Variants in TRMT9B observed in about 807,000 individuals in gnomAD.
TRMT9B encodes the protein probable tRNA methyltransferase 9B.
TRMT9B carries 16 observed loss-of-function variants against 11.5 expected under a neutral mutation model. The observed-to-expected ratio is 1.39, with a 90% confidence interval of 0.94 to 2.11. The LOEUF (loss-of-function observed/expected upper bound fraction) is 2.11. Among genes scored for constraint, TRMT9B ranks in the 30% most tolerant of loss-of-function variants. The pLI is 0.00. For missense variants in TRMT9B, 941 were observed against 553.8 expected, an observed-to-expected ratio of 1.70 and a Z score of -7.02; for synonymous variants, 274 against 192.4, an observed-to-expected ratio of 1.42 and a Z score of -3.51.
At chr8:12,961,263 G>A (rs1050209280) in intron 1 of TRMT9B, among the ~76,000 whole-genome samples, 6 of 152,130 alleles carry the variant, frequency 3.9e-5, no homozygotes, top group African/African-American at 1.2e-4. Context: ...TACAGCCTAC[G>A]AATGTTAGTT....
intron 3 of TRMT9B, among the ~76,000 whole-genome samples, chr8:13,009,369 A>C (rs1282337059): frequency 6.6e-6 from 1 of 152,234 alleles, no homozygotes; most frequent in African/African-American, 2.4e-5. Context: ...AACAAGTCAC[A>C]AGAAAAATAG....
chr8:12,989,904 G>A lies in TRMT9B; in HGVS notation c.-199-930G>A, dbSNP rs532315113. ...TCATGTGCCTACATATGAGTGAGAT[G>A]TAGCTGGGGTTAAAATCTATAGGCA... On this transcript the variant is annotated intron_variant, in intron 1 of 4. Transcript: ENST00000524591. 2.0e-5 allele frequency among the ~76,000 whole-genome samples: 3 copies of A among 152,352 alleles called. No individual in the cohort carries two copies. In the East Asian group the frequency reaches 5.8e-4, roughly 29 times the overall value.
intron 1 of TRMT9B, among the ~76,000 whole-genome samples, chr8:12,971,976 C>G (rs757589188): frequency 6.6e-6 from 1 of 152,160 alleles, no homozygotes; most frequent in Non-Finnish European, 1.5e-5. Context: ...CCATAAATAA[C>G]TCTAGCCAAA....
intron 2 of TRMT9B, among the ~76,000 whole-genome samples, chr8:12,992,823 C>T (rs1289658272): frequency 2.0e-5 from 3 of 152,038 alleles, no homozygotes; most frequent in African/African-American, 7.3e-5. Context: ...GAGCAGAGAT[C>T]ATGCCACTAC....
At chr8:12,968,704 C>T (rs551580266) in intron 1 of TRMT9B, among the ~76,000 whole-genome samples, 1 of 152,286 alleles carries the variant, frequency 6.6e-6, no homozygotes, top group African/African-American at 2.4e-5. Context: ...CAGAAGGCCC[C>T]TCCCTGAGTC....
intron 1 of TRMT9B, among the ~76,000 whole-genome samples, chr8:12,966,824 G>T (rs1351880757): frequency 6.6e-6 from 1 of 152,202 alleles, no homozygotes; most frequent in Non-Finnish European, 1.5e-5. Context: ...TTGTTGAGGA[G>T]CTGGGTGCAG....
At chr8:12,951,653 T>C (rs1346950368) in intron 1 of TRMT9B, 1 of 151,680 alleles carries the variant, frequency 6.6e-6, no homozygotes, top group Non-Finnish European at 1.5e-5. Context: ...CAGGCCTGGG[T>C]TCCCGGACAG....
chr8:13,020,963 T>A, intron 4 of TRMT9B, 45 bp from the exon 5 acceptor site: 1 of 1,315,486 alleles, frequency 7.6e-7, no homozygotes, highest in Non-Finnish European at 1.0e-6. Context: ...GTGTGTGGGT[T>A]TATGTGTGTG....
chr8:12,957,030 G>C (rs148272258), intron 1 of TRMT9B, among the ~76,000 whole-genome samples: 1 of 152,110 alleles, frequency 6.6e-6, no homozygotes, highest in African/African-American at 2.4e-5. Flanking sequence ...ATTCGTCCAG[G>C]GAGTGGATAA....
Position 12,967,010 on chromosome 8 carries a change from C to A in TRMT9B, c.-200+21044C>A, listed in dbSNP as rs142999293. Among the ~76,000 whole-genome samples the A allele has an allele frequency of 2.6e-5, 4 of 152,204 alleles. No individual in the cohort carries two copies. In the East Asian group the frequency reaches 5.8e-4, roughly 22 times the overall value. On this transcript the variant is annotated intron_variant, in intron 1 of 4. Coordinates refer to ENST00000524591, the MANE Select transcript of TRMT9B (RefSeq NM_020844.3). Reference sequence around the variant, plus strand: ...TAGTACTCACCTTCCTTACAGACACCGACGGTGAATACTCCCAAGGTGTGG... The same window carrying A: ...TAGTACTCACCTTCCTTACAGACACAGACGGTGAATACTCCCAAGGTGTGG...
intron 3 of TRMT9B, chr8:13,011,676 A>T (rs2460917): frequency 1.0e-6 from 1 of 979,028 alleles, no homozygotes; most frequent in Non-Finnish European, 1.2e-6. Flanking sequence ...TGATCTAAAT[A>T]TTTGGGCTTT....
rs961751800 is a variant in TRMT9B at position 13,029,385 on chromosome 8, A to G, written c.*7341A>G. The G allele has an allele frequency of 1.2e-5, 2 of 167,084 alleles. No homozygotes were observed. Among genetic ancestry groups the G allele is most frequent in the African/African-American group, 2.4e-5 (1 of 41,478 alleles). 10.4% of individuals were successfully genotyped at this position (167,084 alleles called of 1,614,324 possible). ...TGATGTAAAATATTTTGACTTTTAT[A>G]ATAATGCGAAGTAGTTTTATTTGCA... On this transcript the variant is annotated 3_prime_UTR_variant, in exon 5 of 5. Transcript: ENST00000524591.
chr8:13,012,574 C>T, intron 3 of TRMT9B, 110 bp from the exon 4 acceptor site: 1 of 1,356,738 alleles, frequency 7.4e-7, no homozygotes, highest in South Asian at 1.6e-5. Flanking sequence ...GACTCTGTCT[C>T]AAAATAAATA....
rs1205078170 is a variant in TRMT9B at position 13,021,668 on chromosome 8, T to C, written c.989T>C (p.Leu330Pro). ...GAGTGGCTGAGAGCACCAGGCACTC[T>C]GAAACATTTAAATGGAGACCATCAA... is the stretch of plus-strand genomic sequence containing the variant. ...HLEWLRAPGT[L>P]KHLNGDHQGE... The change falls in exon 5 of 5, where the codon CTG becomes CCG. Residue 330 changes from leucine to proline, a missense_variant. Transcript: ENST00000524591. 6.2e-7 allele frequency: 1 copy of C among 1,613,878 alleles called. No individual in the cohort carries two copies.
intron 4 of TRMT9B, among the ~76,000 whole-genome samples, chr8:13,017,089 C>A (rs1271602248): frequency 7.6e-6 from 1 of 132,328 alleles, no homozygotes; most frequent in Non-Finnish European, 1.7e-5. Flanking sequence ...CACCACTGCA[C>A]TCCAGCCTGG....
At chr8:12,951,036 A>G (rs1033897511) in intron 1 of TRMT9B, among the ~76,000 whole-genome samples, 4 of 152,206 alleles carry the variant, frequency 2.6e-5, no homozygotes, top group Admixed American at 2.6e-4. Context: ...AGGCGGTTGA[A>G]GATACTATTA....
At chr8:13,010,144 A>T (rs1274896690) in intron 3 of TRMT9B, 7 of 691,462 alleles carry the variant, frequency 1.0e-5, no homozygotes, top group Non-Finnish European at 1.2e-5. Context: ...TCTGAAAAAA[A>T]AAAAAAAAGT....
chr8:12,954,098 G>A (rs1308035527), intron 1 of TRMT9B, among the ~76,000 whole-genome samples: 4 of 152,188 alleles, frequency 2.6e-5, no homozygotes, highest in Admixed American at 2.6e-4. Context: ...GTGAAATTGG[G>A]AATACCCTGT....
intron 1 of TRMT9B, among the ~76,000 whole-genome samples, chr8:12,963,368 G>C (rs965454131): frequency 1.3e-5 from 2 of 152,186 alleles, no homozygotes; most frequent in Non-Finnish European, 2.9e-5. Context: ...GGGAGGTAGA[G>C]GTTGCAGTGA....
Sources: allele counts gnomAD v4.1 joint callset (sites outside exome capture counted in the v4.1 genomes callset), GRCh38; gene constraint gnomAD v4.1.1; transcripts MANE v1.5; gene names NCBI Gene and HGNC (gene_info 2026-07-23, HGNC 2026-07-21).